HLA-DRB1: variants seen among roughly 807,000 people sequenced by gnomAD.
The protein encoded by HLA-DRB1 is major histocompatibility complex, class II, DR beta 1.
In HLA-DRB1, 10 loss-of-function variants were observed where a neutral mutation model predicts 27.9. The ratio of observed to expected loss-of-function variants is 0.36; its 90% CI spans 0.22 to 0.61. The LOEUF is 0.61. Ranked by LOEUF, HLA-DRB1 falls within the 20% of genes least tolerant of loss-of-function variation. The pLI is 0.73. For missense variants in HLA-DRB1, 118 were observed against 306.3 expected (o/e 0.39, Z 4.59); for synonymous variants, 57 against 126.7 (o/e 0.45, Z 3.69).
chr6:32,584,469 C>A lies in HLA-DRB1; in HGVS notation c.101-91G>T. On this transcript the variant is annotated intron_variant, in intron 1 of 5. Transcript: ENST00000360004. Reference sequence around the variant, plus strand: ...CATCCGGGGCTCCCTGAGCGGGGTGCGGGCGCTGGAACCTTAACCGGCCCC... The same window carrying A: ...CATCCGGGGCTCCCTGAGCGGGGTGAGGGCGCTGGAACCTTAACCGGCCCC... The A allele has an allele frequency of 6.5e-6, 4 of 611,312 alleles. 2 individuals are homozygous for A. The highest frequency in any genetic ancestry group is 9.8e-6 in the Non-Finnish European group (4 of 408,914). 37.9% of individuals were successfully genotyped at this position (611,312 alleles called of 1,614,324 possible).
chr6:32,580,582 T>C (rs28732269), intron 4 of HLA-DRB1, among the ~76,000 whole-genome samples, 164 bp downstream of exon 4: 5,904 of 110,266 alleles, frequency 0.054, 284 homozygotes, highest in South Asian at 0.073. Flanking sequence ...TTTCACATAG[T>C]AACCATGCAC....
exon 6 of HLA-DRB1, chr6:32,579,077 T>G: frequency 1.4e-6 from 1 of 727,728 alleles, no homozygotes; most frequent in Non-Finnish European, 1.9e-6. Flanking sequence ...TCCTTGAATG[T>G]GGTCATCTGC....
intron 1 of HLA-DRB1, among the ~76,000 whole-genome samples, chr6:32,588,590 G>A (rs9270206): frequency 0.036 from 1,695 of 47,142 alleles, 376 homozygotes; most frequent in East Asian, 0.097. Flanking sequence ...GACATGGCTA[G>A]TTAAGGAAAG....
chr6:32,586,347 C>CTATT, intron 1 of HLA-DRB1, among the ~76,000 whole-genome samples: 1 of 93,536 alleles, frequency 1.1e-5, no homozygotes. Context: ...TACCTGGATG[C>CTATT]TCCATTGACT....
chr6:32,583,580 T>C (rs1345268743), intron 2 of HLA-DRB1, among the ~76,000 whole-genome samples: 1 of 59,976 alleles, frequency 1.7e-5, no homozygotes, highest in Non-Finnish European at 3.3e-5. Flanking sequence ...CTATTGCTTT[T>C]ACAAACAAAC....
At chr6:32,582,301 TAAAA>T (rs1775658784) in intron 2 of HLA-DRB1, among the ~76,000 whole-genome samples, 1 of 129,388 alleles carries the variant, frequency 7.7e-6, no homozygotes, top group African/African-American at 3.1e-5. Context: ...GTAAAATATA[TAAAA>T]CAATGACTGA....
intron 2 of HLA-DRB1, among the ~76,000 whole-genome samples, chr6:32,582,146 G>T (rs35239661): frequency 0.26 from 29,351 of 112,272 alleles, 1,243 homozygotes; most frequent in East Asian, 0.32. Flanking sequence ...ATTTGAGCCA[G>T]GTTGCCTGGT....
At chr6:32,584,315 A>T (rs1059569) in exon 2 of HLA-DRB1, 94,075 of 1,087,932 alleles carry the variant, frequency 0.086, 1,950 homozygotes, top group East Asian at 0.19. Flanking sequence ...TCTGTCCAGG[A>T]ACCGCACCCG....
exon 2 of HLA-DRB1, chr6:32,584,320 C>A (rs772708247): frequency 1.0e-6 from 1 of 998,020 alleles, no homozygotes; most frequent in Non-Finnish European, 1.4e-6. Context: ...CCAGGAACCG[C>A]ACCCGCTCCG....
intron 1 of HLA-DRB1, among the ~76,000 whole-genome samples, chr6:32,587,098 A>ATAAATGGACTCTCCTTG (rs1776513660): frequency 1.6e-4 from 10 of 63,162 alleles, no homozygotes; most frequent in Admixed American, 2.0e-4. Flanking sequence ...AACATTGAAT[A>ATAAATGGACTCTCCTTG]TAGGCCGGGC....
chr6:32,582,235 C>T (rs9269831), intron 2 of HLA-DRB1, among the ~76,000 whole-genome samples: 16,262 of 112,568 alleles, frequency 0.14, no homozygotes, highest in East Asian at 0.2. Context: ...TTGTCACCTA[C>T]AATGAAGGAT....
rs17883271 is a variant in HLA-DRB1 at position 32,584,128 on chromosome 6, G to A, written c.351C>T (p.Ser117=). ...GCTCACCTCGCCGCTGCACTGTGAA[G>A]CTCTCCACAACCCCGTAGTTGTGTC... The change falls in exon 2 of 6, where the codon AGC becomes AGT. Residue 117 remains serine (S), a synonymous_variant. Coordinates refer to ENST00000360004, the Ensembl canonical transcript of HLA-DRB1. 1.2e-5 allele frequency: 13 copies of A among 1,046,724 alleles called. 1 individual carries two copies. In the South Asian group the frequency reaches 1.8e-4, roughly 15 times the overall value. The allele number at this position is 1,046,724 out of a possible 1,614,324, so 64.8% of individuals were successfully genotyped here.
chr6:32,580,920 A>G (rs28732291), intron 3 of HLA-DRB1, 64 bp from the exon 4 acceptor site: 98,965 of 1,027,856 alleles, frequency 0.096, 8,121 homozygotes, highest in East Asian at 0.14. Context: ...TTGAGACTCT[A>G]AGATTTAGAG....
intron 1 of HLA-DRB1, among the ~76,000 whole-genome samples, chr6:32,585,883 CA>C (rs1776311617): frequency 6.9e-6 from 1 of 144,468 alleles, no homozygotes; most frequent in African/African-American, 2.6e-5. Context: ...ACCACAGATA[CA>C]ACAGGATCAT....
intron 1 of HLA-DRB1, among the ~76,000 whole-genome samples, chr6:32,587,593 C>T (rs35749234): frequency 0.24 from 11,788 of 49,962 alleles, 1,530 homozygotes; most frequent in Middle Eastern, 0.48. Context: ...GGGCTTTCCC[C>T]CGATTCGGTC....
rs1392173264 is a variant in HLA-DRB1 at position 32,579,528 on chromosome 6, G to A, written c.788-424C>T. ...AAAAGAACAAAACTTCCACAGCAGGGAAGAGGACCTGAGTGGGTTGCCACT... is the reference window on the plus strand; with the variant it reads ...AAAAGAACAAAACTTCCACAGCAGGAAAGAGGACCTGAGTGGGTTGCCACT... On this transcript the variant is annotated intron_variant, in intron 5 of 5. Transcript: ENST00000360004. Among the ~76,000 whole-genome samples, 11 of 63,630 alleles carry A rather than the reference G, an allele frequency of 1.7e-4. 4 individuals carry two copies. The highest frequency in any genetic ancestry group is 2.9e-4 in the Non-Finnish European group (9 of 31,152). 41.7% of individuals were successfully genotyped at this position (63,630 alleles called of 152,430 possible). A position where few individuals can be genotyped will look rare whatever the true frequency, so the allele number is the denominator to read the frequency against.
At chr6:32,586,256 CT>C (rs544242895) in intron 1 of HLA-DRB1, among the ~76,000 whole-genome samples, 9,818 of 63,444 alleles carry the variant, frequency 0.15, 1,439 homozygotes, top group African/African-American at 0.19. Flanking sequence ...CAATCCTTCC[CT>C]GAAGCTCTCT....
chr6:32,587,090 C>A (rs9270111), intron 1 of HLA-DRB1, among the ~76,000 whole-genome samples: 21,929 of 47,518 alleles, frequency 0.46, 9,223 homozygotes, highest in Non-Finnish European at 0.48. Flanking sequence ...TAGTTTTAAA[C>A]ATTGAATATA....
chr6:32,585,533 T>G (rs9270028), intron 1 of HLA-DRB1, among the ~76,000 whole-genome samples: 3 of 66,698 alleles, frequency 4.5e-5, no homozygotes, highest in Non-Finnish European at 9.8e-5. Context: ...ATTCCCATTT[T>G]AACTTTTCTG....
Sources: gnomAD v4.1 joint callset for allele counts (sites outside exome capture counted in the v4.1 genomes callset) on GRCh38, gnomAD v4.1.1 for gene constraint, MANE v1.5 for transcripts, NCBI Gene and HGNC (gene_info 2026-07-23, HGNC 2026-07-21) for gene names.